The following MRPL1 variants were observed in gnomAD, a reference collection of about 807,000 sequenced individuals.
MRPL1 encodes mitochondrial ribosomal protein L1, also known as large ribosomal subunit protein uL1m.
A neutral mutation model predicts 38.0 loss-of-function variants in MRPL1; 28 were observed. The ratio of observed to expected loss-of-function variants is 0.74; its 90% CI spans 0.55 to 1.01. The LOEUF (loss-of-function observed/expected upper bound fraction) is 1.01, where lower values mean the gene tolerates loss of function less well. Ranked by LOEUF, MRPL1 falls within the 50% of genes least tolerant of loss-of-function variation. MRPL1 has a pLI of 0.00. For synonymous variants in MRPL1, 123 were observed against 126.7 expected (o/e 0.97, Z 0.20); for missense variants, 358 against 389.8 (o/e 0.92, Z 0.69).
intron 1 of MRPL1, among the ~76,000 whole-genome samples, chr4:77,871,023 T>C (rs1173002509): frequency 6.6e-6 from 1 of 152,152 alleles, no homozygotes; most frequent in Non-Finnish European, 1.5e-5. Context: ...AATTTTGGGA[T>C]ACATATACAT....
chr4:77,924,955 C>T (rs1379955525), intron 7 of MRPL1, among the ~76,000 whole-genome samples: 1 of 152,092 alleles, frequency 6.6e-6, no homozygotes, highest in Non-Finnish European at 1.5e-5. Context: ...TATGTTTTCT[C>T]CCACTTTTTT....
intron 6 of MRPL1, among the ~76,000 whole-genome samples, chr4:77,901,538 A>G (rs1736036112): frequency 6.6e-6 from 1 of 152,076 alleles, no homozygotes; most frequent in Admixed American, 6.5e-5. Context: ...ATAGGCTGAA[A>G]GTAAAATGGT....
At chr4:77,879,556 G>A (rs1199502773) in intron 2 of MRPL1, among the ~76,000 whole-genome samples, 3 of 152,142 alleles carry the variant, frequency 2.0e-5, no homozygotes, top group African/African-American at 4.8e-5. Context: ...TAATTGCATA[G>A]GTTCCACTAT....
At chr4:77,885,102 G>A (rs1454621444) in intron 3 of MRPL1, among the ~76,000 whole-genome samples, 154 bp from the exon 4 acceptor site, 1 of 152,078 alleles carries the variant, frequency 6.6e-6, no homozygotes, top group Non-Finnish European at 1.5e-5. Flanking sequence ...AGTAATTCAT[G>A]AATAGTAATC....
rs140357023 is a variant in MRPL1 at position 77,923,527 on chromosome 4, C to A, written c.777+14155C>A. Among the ~76,000 whole-genome samples, 17 of 152,244 alleles carry A rather than the reference C, an allele frequency of 1.1e-4. 2 individuals are homozygous for A. In the East Asian group the frequency reaches 3.3e-3, roughly 29 times the overall value. ...ACTTATATCCAACTATTCTTATATT[C>A]CAAGGATAAACCCTATTGTATATTA... is the stretch of plus-strand genomic sequence containing the variant. On this transcript the variant is annotated intron_variant, in intron 7 of 8. Coordinates refer to ENST00000315567, the MANE Select transcript of MRPL1 (RefSeq NM_020236.4).
At chr4:77,941,397 AAGATTCCCT>A (rs1737129745) in intron 7 of MRPL1, among the ~76,000 whole-genome samples, 1 of 152,126 alleles carries the variant, frequency 6.6e-6, no homozygotes, top group African/African-American at 2.4e-5. Context: ...CAATTTAGGG[AAGATTCCCT>A]ATTTCTCTAT....
chr4:77,905,223 G>A (rs534419265), intron 6 of MRPL1, among the ~76,000 whole-genome samples: 2 of 152,150 alleles, frequency 1.3e-5, no homozygotes, highest in African/African-American at 2.4e-5. Context: ...GTGGCTGGGC[G>A]CAGTGACTCA....
chr4:77,927,300 T>C (rs999788305), intron 7 of MRPL1, among the ~76,000 whole-genome samples: 18 of 152,206 alleles, frequency 1.2e-4, no homozygotes, highest in Admixed American at 8.5e-4. Flanking sequence ...TAAAAGGTTG[T>C]TTTCTAAAGA....
intron 7 of MRPL1, among the ~76,000 whole-genome samples, chr4:77,937,490 C>A (rs1737014782): frequency 6.6e-6 from 1 of 152,176 alleles, no homozygotes; most frequent in Non-Finnish European, 1.5e-5. Flanking sequence ...GGGGGAAAAC[C>A]CAAATGCCTC....
intron 6 of MRPL1, chr4:77,906,933 A>G: frequency 4.1e-6 from 4 of 981,728 alleles, no homozygotes; most frequent in Non-Finnish European, 4.8e-6. Context: ...TATATCCATT[A>G]TCTCCCAATT....
At chr4:77,948,303 A>G (rs905062047) in intron 7 of MRPL1, among the ~76,000 whole-genome samples, 3 of 152,286 alleles carry the variant, frequency 2.0e-5, no homozygotes, top group East Asian at 1.9e-4. Flanking sequence ...TAAGAGGGGA[A>G]TTGAAGGCAG....
intron 7 of MRPL1, among the ~76,000 whole-genome samples, chr4:77,920,610 T>C (rs1323526438): frequency 6.6e-6 from 1 of 152,232 alleles, no homozygotes; most frequent in East Asian, 1.9e-4. Flanking sequence ...GGTTTGCTTC[T>C]TGAGTGGCAA....
At chr4:77,894,816 G>A (rs2110240938) in intron 6 of MRPL1, among the ~76,000 whole-genome samples, 1 of 152,210 alleles carries the variant, frequency 6.6e-6, no homozygotes, top group South Asian at 2.1e-4. Context: ...TTACACATAG[G>A]TGAGGAATCA....
chr4:77,879,909 A>G (rs1735498156), intron 2 of MRPL1, among the ~76,000 whole-genome samples: 2 of 152,224 alleles, frequency 1.3e-5, no homozygotes, highest in South Asian at 4.1e-4. Context: ...ATTGCTCATT[A>G]GCTGGGAGGG....
intron 7 of MRPL1, among the ~76,000 whole-genome samples, chr4:77,922,587 T>C (rs1736604386): frequency 6.6e-6 from 1 of 152,196 alleles, no homozygotes; most frequent in Admixed American, 6.5e-5. Flanking sequence ...TGAGAGTAGC[T>C]TGGACCTATT....
chr4:77,876,444 C>A (rs1441028983), intron 2 of MRPL1, among the ~76,000 whole-genome samples: 2 of 152,114 alleles, frequency 1.3e-5, no homozygotes, highest in Admixed American at 6.6e-5. Flanking sequence ...TTTGTGTCTA[C>A]CCCAAGTTCT....
At chr4:77,932,799 A>G (rs934100095) in intron 7 of MRPL1, among the ~76,000 whole-genome samples, 2 of 152,090 alleles carry the variant, frequency 1.3e-5, no homozygotes, top group Non-Finnish European at 2.9e-5. Context: ...TGCTTAAATC[A>G]TCCTGAACCT....
At chr4:77,935,511 C>T (rs1163387734) in intron 7 of MRPL1, among the ~76,000 whole-genome samples, 3 of 151,946 alleles carry the variant, frequency 2.0e-5, no homozygotes, top group East Asian at 2.0e-4. Context: ...CTCCTGCCCT[C>T]GGCCTCATGA....
intron 2 of MRPL1, among the ~76,000 whole-genome samples, chr4:77,875,260 CATATT>C (rs1433794048): frequency 6.6e-6 from 1 of 152,048 alleles, no homozygotes; most frequent in African/African-American, 2.4e-5. Flanking sequence ...TTTTAACTGT[CATATT>C]AGAGGATTGG....
Sources: allele counts gnomAD v4.1 joint callset (sites outside exome capture counted in the v4.1 genomes callset), GRCh38; gene constraint gnomAD v4.1.1; transcripts MANE v1.5; gene names NCBI Gene and HGNC (gene_info 2026-07-23, HGNC 2026-07-21).